The following PLCXD3 variants were observed in gnomAD, a reference collection of about 807,000 sequenced individuals.
PLCXD3 encodes phosphatidylinositol specific phospholipase C X domain containing 3.
A neutral mutation model predicts 25.5 loss-of-function variants in PLCXD3; 19 were observed. The observed-to-expected ratio is 0.75, with a 90% CI of 0.52 to 1.09. The LOEUF is 1.09. Among genes scored for constraint, PLCXD3 ranks in the 50% least tolerant of loss-of-function variants. PLCXD3 has a pLI of 0.00. For missense variants in PLCXD3, 411 were observed against 388.1 expected (o/e 1.06, Z -0.50); for synonymous variants, 174 against 137.6 (o/e 1.26, Z -1.85).
chr5:41,313,502 A>G lies in PLCXD3; in HGVS notation c.*115T>C, dbSNP rs1385329205. On this transcript the variant is annotated 3_prime_UTR_variant, in exon 3 of 3. Transcript: ENST00000377801. Reference sequence around the variant, plus strand: ...TTTTCCCCTTTTCCCACCCACTACCAGCCCTATTCCCTTCAGAGACTCAGT... The same window carrying G: ...TTTTCCCCTTTTCCCACCCACTACCGGCCCTATTCCCTTCAGAGACTCAGT... 1 of 1,226,002 alleles carries G rather than the reference A, an allele frequency of 8.2e-7. No individual in the cohort carries two copies. The highest frequency in any genetic ancestry group is 1.2e-6 in the Non-Finnish European group (1 of 865,428). The allele number at this position is 1,226,002 out of a possible 1,614,324, so 75.9% of individuals were successfully genotyped here. A position where few individuals can be genotyped will look rare whatever the true frequency, so the allele number is the denominator to read the frequency against.
intron 2 of PLCXD3, among the ~76,000 whole-genome samples, chr5:41,334,900 C>A (rs1743935722): frequency 6.6e-6 from 1 of 152,054 alleles, no homozygotes; most frequent in African/African-American, 2.4e-5. Flanking sequence ...GGCCTCCTGG[C>A]GTGCAGGGAC....
At chr5:41,456,764 A>G (rs1035077728) in intron 1 of PLCXD3, among the ~76,000 whole-genome samples, 2 of 151,834 alleles carry the variant, frequency 1.3e-5, no homozygotes, top group Non-Finnish European at 1.5e-5. Context: ...GACATAGCAA[A>G]AAGACAGCCA....
chr5:41,391,957 G>A (rs918446057), intron 1 of PLCXD3, among the ~76,000 whole-genome samples: 1 of 152,114 alleles, frequency 6.6e-6, no homozygotes, highest in Non-Finnish European at 1.5e-5. Context: ...CTATGGATGA[G>A]GTTCCTCTGC....
intron 2 of PLCXD3, among the ~76,000 whole-genome samples, chr5:41,347,181 T>C (rs942516303): frequency 2.0e-5 from 3 of 152,248 alleles, no homozygotes; most frequent in African/African-American, 7.2e-5. Context: ...TTGTCAGTGT[T>C]TTGGATTTTA....
intron 1 of PLCXD3, among the ~76,000 whole-genome samples, chr5:41,462,120 G>C (rs1302459606): frequency 6.6e-6 from 1 of 152,000 alleles, no homozygotes; most frequent in Non-Finnish European, 1.5e-5. Context: ...AGTTACAAGA[G>C]TTGCCATATT....
chr5:41,484,017 C>T (rs1748466278), intron 1 of PLCXD3, among the ~76,000 whole-genome samples: 2 of 152,004 alleles, frequency 1.3e-5, no homozygotes, highest in Admixed American at 1.3e-4. Context: ...ATTGATCTCA[C>T]CTTCTAATAT....
At chr5:41,337,168 G>A (rs907052511) in intron 2 of PLCXD3, among the ~76,000 whole-genome samples, 5 of 152,080 alleles carry the variant, frequency 3.3e-5, no homozygotes, top group Non-Finnish European at 5.9e-5. Context: ...GCAGTGTACC[G>A]TACATACCCA....
chr5:41,446,233 T>C (rs577986105), intron 1 of PLCXD3, among the ~76,000 whole-genome samples: 51 of 139,962 alleles, frequency 3.6e-4, no homozygotes, highest in Non-Finnish European at 7.2e-4. Flanking sequence ...GGTTGGGGTT[T>C]GGTGGGGCAG....
intron 1 of PLCXD3, among the ~76,000 whole-genome samples, chr5:41,457,817 G>C (rs551728826): frequency 6.6e-6 from 1 of 151,846 alleles, no homozygotes; most frequent in Non-Finnish European, 1.5e-5. Flanking sequence ...GAGAAAATGC[G>C]GAAAGACTGG....
intron 1 of PLCXD3, among the ~76,000 whole-genome samples, chr5:41,405,921 A>C (rs192393734): frequency 6.6e-6 from 1 of 152,212 alleles, no homozygotes; most frequent in Non-Finnish European, 1.5e-5. Flanking sequence ...AACCCCAGCA[A>C]AATGCCATTG....
At position 41,338,940 on chromosome 5, in the gene PLCXD3, C is replaced by T. The variant is rs1046318733; in HGVS notation, c.813-25170G>A. 4.6e-5 allele frequency among the ~76,000 whole-genome samples: 7 copies of T among 152,004 alleles called. No homozygotes were observed. In the South Asian group the frequency reaches 8.3e-4, roughly 18 times the overall value. On this transcript the variant is annotated intron_variant, in intron 2 of 2. Coordinates refer to ENST00000377801, the MANE Select transcript of PLCXD3 (RefSeq NM_001005473.3). ...GGTGTGAAGTGTAACAGAGTATTTC[C>T]GCCCTCATTCTGGTTCTTTTATTAT...
chr5:41,329,034 T>A lies in PLCXD3; in HGVS notation c.813-15264A>T, dbSNP rs116563355. ...TCTTCAGTTTCATCTCTTGTCATTC[T>A]TCCCATCAGTGAATGCTAGCCCCGT... On this transcript the variant is annotated intron_variant, in intron 2 of 2. Transcript: ENST00000377801. Among the ~76,000 whole-genome samples, 433 of 152,338 alleles carry A rather than the reference T, an allele frequency of 2.8e-3. 2 individuals carry two copies. The highest frequency in any genetic ancestry group is 0.01 in the African/African-American group (422 of 41,590).
chr5:41,389,291 C>T (rs903613935), intron 1 of PLCXD3, among the ~76,000 whole-genome samples: 1 of 152,150 alleles, frequency 6.6e-6, no homozygotes, highest in African/African-American at 2.4e-5. Flanking sequence ...GAAAAGACCA[C>T]AAAATGAATA....
chr5:41,322,766 G>A (rs1434975898), intron 2 of PLCXD3, among the ~76,000 whole-genome samples: 1 of 152,130 alleles, frequency 6.6e-6, no homozygotes, highest in African/African-American at 2.4e-5. Context: ...CTTGAGGTCA[G>A]GAGATCGAGG....
At chr5:41,377,433 A>G (rs75161632) in intron 2 of PLCXD3, among the ~76,000 whole-genome samples, 6,616 of 152,148 alleles carry the variant, frequency 0.043, 188 homozygotes, top group Non-Finnish European at 0.061. Context: ...AAATTCTGAT[A>G]GGTAGTATGA....
intron 2 of PLCXD3, among the ~76,000 whole-genome samples, chr5:41,371,837 G>C (rs1745104803): frequency 3.3e-5 from 5 of 152,112 alleles, no homozygotes; most frequent in Admixed American, 2.6e-4. Context: ...TGGCCTGCAG[G>C]CCTCCTTCTC....
chr5:41,316,979 T>C (rs1398452139), intron 2 of PLCXD3, among the ~76,000 whole-genome samples: 2 of 152,242 alleles, frequency 1.3e-5, no homozygotes, highest in Non-Finnish European at 2.9e-5. Flanking sequence ...TGCCACCTGC[T>C]GATTGTTCAG....
At chr5:41,326,952 C>A (rs574216998) in intron 2 of PLCXD3, among the ~76,000 whole-genome samples, 252 of 152,206 alleles carry the variant, frequency 1.7e-3, no homozygotes, top group African/African-American at 5.8e-3. Context: ...GTAAACCCAC[C>A]ATGACAATAT....
At chr5:41,420,468 A>C (rs1207762201) in intron 1 of PLCXD3, among the ~76,000 whole-genome samples, 1 of 152,236 alleles carries the variant, frequency 6.6e-6, no homozygotes, top group Non-Finnish European at 1.5e-5. Context: ...GCTGCATAAA[A>C]CAAGATTATA....
Sources: gnomAD v4.1 joint callset for allele counts (sites outside exome capture counted in the v4.1 genomes callset) on GRCh38, gnomAD v4.1.1 for gene constraint, MANE v1.5 for transcripts, NCBI Gene and HGNC (gene_info 2026-07-23, HGNC 2026-07-21) for gene names.